CXorf65: variants seen among roughly 807,000 people sequenced by gnomAD.
CXorf65 encodes chromosome X open reading frame 65.
For missense variants in CXorf65, 137 were observed against 144.7 expected, an observed-to-expected ratio of 0.95 and a Z score of 0.27; for synonymous variants, 54 against 51.4, an observed-to-expected ratio of 1.05 and a Z score of -0.21.
intron 5 of CXorf65, 63 bp downstream of exon 5, chrX:71,104,235 A>T: frequency 9.0e-7 from 1 of 1,108,325 alleles, no homozygotes; most frequent in Non-Finnish European, 1.2e-6. Flanking sequence ...GGGGTGTAGG[A>T]ACATTCAGTC....
At chrX:71,106,311 G>C in intron 2 of CXorf65, 29 bp downstream of exon 2, 2 of 1,158,478 alleles carry the variant, frequency 1.7e-6, no homozygotes, top group Non-Finnish European at 2.4e-6. Flanking sequence ...CTGACCTTTG[G>C]CCATTAGTCC....
chrX:71,104,085 T>C lies in CXorf65; in HGVS notation c.454A>G (p.Lys152Glu). 8.3e-7 allele frequency: 1 copy of C among 1,210,720 alleles called. No homozygotes were observed. The highest frequency in any genetic ancestry group is 1.1e-6 in the Non-Finnish European group (1 of 895,009). The change falls in exon 6 of 6, where the codon AAG becomes GAG. Residue 152 changes from lysine (K) to glutamate (E), a missense_variant. By Grantham distance (56) the Lys-to-Glu change is moderately conservative. Transcript: ENST00000374251. The part of the protein sequence containing the change: ...PSKQSGRSDK[K>E]KSTRKSPTFR... ...GTCGGAGACTTGCGAGTGGACTTCT[T>C]TTTGTCTGATCGTCCTGATTGCTTG...
Position 71,105,567 on chromosome X carries a change from C to CAA in CXorf65, c.250+431_250+432dup, listed in dbSNP as rs36081226. Among the ~76,000 whole-genome samples the CAA allele has an allele frequency of 4.4e-3, 332 of 74,912 alleles. 7 individuals carry two copies. In the East Asian group the frequency reaches 0.069, roughly 15 times the overall value. The allele number at this position is 74,912 out of a possible 115,157, so 65.1% of individuals were successfully genotyped here. A position where few individuals can be genotyped will look rare whatever the true frequency, so the allele number is the denominator to read the frequency against. ...GGACAACAAGAGCGAAACTCTGTCC[C>CAA]AAAAAAAAAAAAAAAAAAACCTACC... On this transcript the variant is annotated intron_variant, in intron 3 of 5. Transcript: ENST00000374251.
In CXorf65 at chrX:71,104,228, G is replaced by C. The variant is rs764813312; in HGVS notation, c.426+70C>G. 2.3e-5 allele frequency: 26 copies of C among 1,107,052 alleles called. No individual in the cohort carries two copies. The Admixed American group carries it at 6.1e-4, about 26-fold the overall frequency. The allele number at this position is 1,107,052 out of a possible 1,213,427, so 91.2% of individuals were successfully genotyped here. Reference sequence around the variant, plus strand: ...AGGAAATTCATCTCAGAGGGCTGGGGTGTAGGAACATTCAGTCGGCTGGTA... The same window carrying C: ...AGGAAATTCATCTCAGAGGGCTGGGCTGTAGGAACATTCAGTCGGCTGGTA... On this transcript the variant is annotated intron_variant, in intron 5 of 5. Coordinates refer to ENST00000374251, the MANE Select transcript of CXorf65 (RefSeq NM_001025265.3).
In CXorf65 at chrX:71,104,328, G is replaced by C. The variant is rs762475380; in HGVS notation, c.396C>G (p.Val132=). ...QMLKMKEAKK[V]VIIEPPASVP... ...CACTCGCAGGGGGTTCAATTATAAC[G>C]ACCTTCTTGGCTTCTTTCATTTTAA... is the stretch of plus-strand genomic sequence containing the variant. Residue 132 remains valine (V), a synonymous_variant, in exon 5 of 6, where the codon GTC becomes GTG. Transcript: ENST00000374251. The C allele has an allele frequency of 7.5e-6, 9 of 1,205,413 alleles. No individual in the cohort carries two copies. Among genetic ancestry groups the C allele is most frequent in the Non-Finnish European group, 1.0e-5 (9 of 892,531 alleles).
rs1349426802 is a variant in CXorf65, at chrX:71,105,993, C to T, written c.250+7G>A. On this transcript the variant is annotated splice_region_variant and intron_variant, in intron 3 of 5. Coordinates refer to ENST00000374251, the MANE Select transcript of CXorf65 (RefSeq NM_001025265.3). Reference sequence around the variant, plus strand: ...TCTATTTCTGGGGAACACTCCTGAGCCTCTACCTGGTGGCCCACGTTCCAC... The same window carrying T: ...TCTATTTCTGGGGAACACTCCTGAGTCTCTACCTGGTGGCCCACGTTCCAC... 1 of 1,207,442 alleles carries T rather than the reference C, an allele frequency of 8.3e-7. No homozygotes were observed. The highest frequency in any genetic ancestry group is 1.8e-5 in the African/African-American group (1 of 57,037).
Position 71,104,794 on chromosome X carries a change from G to C in CXorf65, c.294C>G (p.Leu98=). ...CAAGCAGCCAAGGCTCCGGATTCTT[G>C]AGGAGAGGCACAAAAGCTCTGTAAG... ...ENAYRAFVPL[L]KNPEPWLLVA... The change falls in exon 4 of 6, where the codon CTC becomes CTG. Residue 98 remains leucine, a synonymous_variant. Transcript: ENST00000374251. 1 of 1,210,725 alleles carries C rather than the reference G, an allele frequency of 8.3e-7. No individual in the cohort carries two copies. Among genetic ancestry groups the C allele is most frequent in the Non-Finnish European group, 1.1e-6 (1 of 894,956 alleles).
chrX:71,105,226 G>C (rs905518402), intron 3 of CXorf65, among the ~76,000 whole-genome samples: 12 of 108,620 alleles, frequency 1.1e-4, no homozygotes, highest in African/African-American at 4.0e-4. Context: ...CTGGGTGACA[G>C]AGCAAGACTC....
chrX:71,104,730 T>A, intron 4 of CXorf65, 39 bp downstream of exon 4: 1 of 1,128,150 alleles, frequency 8.9e-7, no homozygotes, highest in Non-Finnish European at 1.2e-6. Context: ...CTATATACTG[T>A]ACCCTTCATG....
At position 71,106,070 on chromosome X, in the gene CXorf65, T is replaced by C. The variant is rs1361540311; in HGVS notation, c.180A>G (p.Ala60=). The C allele has an allele frequency of 1.7e-6, 2 of 1,209,516 alleles. No homozygotes were observed. Among genetic ancestry groups the C allele is most frequent in the Non-Finnish European group, 2.2e-6 (2 of 894,699 alleles). The change falls in exon 3 of 6, where the codon GCA becomes GCG. Residue 60 remains alanine, a synonymous_variant. Transcript: ENST00000374251. ...CTGTAAGGTATTTGCTGGCATACTC[T>C]GCATGATTGGGCTTCATCAGGAAAA... ...KMLFLMKPNH[A]EYASKYLTAR...
intron 3 of CXorf65, among the ~76,000 whole-genome samples, chrX:71,105,060 C>T (rs1490917749): frequency 9.1e-6 from 1 of 109,325 alleles, no homozygotes; most frequent in Non-Finnish European, 1.9e-5. Context: ...TTGGTGAAAC[C>T]CCATCTCTAC....
intron 3 of CXorf65, among the ~76,000 whole-genome samples, chrX:71,105,467 G>A (rs991273476): frequency 1.6e-4 from 17 of 107,396 alleles, no homozygotes; most frequent in African/African-American, 5.8e-4. Context: ...GCTAAGACAG[G>A]AGAATCGCTT....
chrX:71,106,616 G>T lies in CXorf65; in HGVS notation c.-60C>A. On this transcript the variant is annotated 5_prime_UTR_variant, in exon 1 of 6. Coordinates refer to ENST00000374251, the MANE Select transcript of CXorf65 (RefSeq NM_001025265.3). ...CTGATGAGTCATGCAGAAGGAGGGT[G>T]TTCTAGAGGCCTTGTGTGGGGCAAA... The T allele has an allele frequency of 8.3e-7, 1 of 1,208,471 alleles. No homozygotes were observed.
In CXorf65 at chrX:71,106,412, G is replaced by A; in HGVS notation, c.40C>T (p.Leu14=). The stretch of plus-strand genomic sequence containing the variant: ...ACGACAGCACAGTTGGTATTGACCA[G>A]AAACTGCTGATTATCTGAGAAGAGA... ...FIKHGDNQQF[L]VNTNCAVVVL... Residue 14 remains leucine (L), a synonymous_variant, in exon 2 of 6, where the codon CTG becomes TTG. Transcript: ENST00000374251. 1 of 1,209,385 alleles carries A rather than the reference G, an allele frequency of 8.3e-7. No individual in the cohort carries two copies. Among genetic ancestry groups the A allele is most frequent in the Non-Finnish European group, 1.1e-6 (1 of 893,390 alleles).
At position 71,106,569 on chromosome X, in the gene CXorf65, G is replaced by T. The variant is rs751311337; in HGVS notation, c.-13C>A. On this transcript the variant is annotated 5_prime_UTR_variant, in exon 1 of 6. Coordinates refer to ENST00000374251, the MANE Select transcript of CXorf65 (RefSeq NM_001025265.3). The stretch of plus-strand genomic sequence containing the variant: ...TGAAGATGAACATGCCCTCAAGATC[G>T]CCTCACTCTTCACAAAGTGCCCTGA... 8 of 1,208,615 alleles carry T rather than the reference G, an allele frequency of 6.6e-6. No individual in the cohort carries two copies. In the East Asian group the frequency reaches 2.1e-4, roughly 31 times the overall value.
intron 5 of CXorf65, 34 bp downstream of exon 5, chrX:71,104,264 G>A (rs757077375): frequency 1.7e-5 from 19 of 1,118,597 alleles, no homozygotes; most frequent in Non-Finnish European, 2.2e-5. Context: ...GGGAGAGGGG[G>A]GTGCTGGGGC....
intron 5 of CXorf65, 37 bp downstream of exon 5, chrX:71,104,261 G>C (rs1474223113): frequency 5.4e-6 from 6 of 1,110,442 alleles, no homozygotes; most frequent in Middle Eastern, 2.4e-4. Context: ...GTAGGGAGAG[G>C]GGGGTGCTGG....
At chrX:71,105,924 C>T in intron 3 of CXorf65, 76 bp downstream of exon 3, 1 of 1,089,532 alleles carries the variant, frequency 9.2e-7, no homozygotes, top group Non-Finnish European at 1.2e-6. Flanking sequence ...CCTTGGATGC[C>T]TTGTTTTAAA....
chrX:71,103,918 A>T lies in CXorf65; in HGVS notation c.*69T>A, dbSNP rs1473457293. The T allele has an allele frequency of 1.8e-6, 2 of 1,112,107 alleles. No homozygotes were observed. The highest frequency in any genetic ancestry group is 2.5e-6 in the Non-Finnish European group (2 of 809,575). 91.7% of individuals were successfully genotyped at this position (1,112,107 alleles called of 1,213,427 possible). ...CGTATGTACTCAAGCCTTAGTGCAGATATTGGGAGAAGGAGTCTTTCTAGA... is the reference window on the plus strand; with the variant it reads ...CGTATGTACTCAAGCCTTAGTGCAGTTATTGGGAGAAGGAGTCTTTCTAGA... On this transcript the variant is annotated 3_prime_UTR_variant, in exon 6 of 6. Transcript: ENST00000374251.
Sources: gnomAD v4.1 joint callset for allele counts (sites outside exome capture counted in the v4.1 genomes callset) on GRCh38, gnomAD v4.1.1 for gene constraint, MANE v1.5 for transcripts, NCBI Gene and HGNC (gene_info 2026-07-23, HGNC 2026-07-21) for gene names.